TECRL: variants seen among roughly 807,000 people sequenced by gnomAD.
The protein encoded by TECRL is trans-2,3-enoyl-CoA reductase-like.
A neutral mutation model predicts 52.8 loss-of-function variants in TECRL; 63 were observed. That is an observed-to-expected ratio of 1.19 (90% CI 0.97 to 1.47). The LOEUF (loss-of-function observed/expected upper bound fraction) is 1.47, where lower values mean the gene tolerates loss of function less well. Among genes scored for constraint, TECRL ranks in the 40% most tolerant of loss-of-function variants. The pLI, the probability that TECRL is intolerant of heterozygous loss-of-function variation, is 0.00. For synonymous variants in TECRL, 164 were observed against 141.9 expected (o/e 1.16, Z -1.10); for missense variants, 482 against 429.6 (o/e 1.12, Z -1.08).
intron 9 of TECRL, among the ~76,000 whole-genome samples, chr4:64,288,823 T>C (rs1723219968): frequency 6.6e-6 from 1 of 152,148 alleles, no homozygotes; most frequent in Non-Finnish European, 1.5e-5. Flanking sequence ...GCAGCCAACA[T>C]TGGTCAACAG....
intron 6 of TECRL, among the ~76,000 whole-genome samples, chr4:64,308,744 C>G (rs1196424228): frequency 6.6e-6 from 1 of 152,138 alleles, no homozygotes; most frequent in Non-Finnish European, 1.5e-5. Flanking sequence ...GTAACAGAAG[C>G]ATTTTACAAA....
In TECRL at chr4:64,290,479, A is replaced by T. The variant is rs909440164; in HGVS notation, c.775-712T>A. On this transcript the variant is annotated intron_variant, in intron 8 of 11. Coordinates refer to ENST00000381210, the MANE Select transcript of TECRL (RefSeq NM_001010874.5). ...TTGACATATAAATACTATGTTACTG[A>T]TAACAGAACATGTTATTCAAAATTG... Among the ~76,000 whole-genome samples, 44 of 152,148 alleles carry T rather than the reference A, an allele frequency of 2.9e-4. 2 individuals are homozygous for T.
rs933355916 is a variant in TECRL, at chr4:64,279,742, T to C, written c.*330A>G. 6.9e-6 allele frequency: 6 copies of C among 875,418 alleles called. No homozygotes were observed. The African/African-American group carries it at 2.1e-4, about 30-fold the overall frequency. 54.2% of individuals were successfully genotyped at this position (875,418 alleles called of 1,614,324 possible). A position where few individuals can be genotyped will look rare whatever the true frequency, so the allele number is the denominator to read the frequency against. On this transcript the variant is annotated 3_prime_UTR_variant, in exon 12 of 12. Coordinates refer to ENST00000381210, the MANE Select transcript of TECRL (RefSeq NM_001010874.5). Reference sequence around the variant, plus strand: ...AATGTCTGTTCAGATCGCTTTTTCATTTGTTAATCAGATTTTTTTTTTTGC... The same window carrying C: ...AATGTCTGTTCAGATCGCTTTTTCACTTGTTAATCAGATTTTTTTTTTTGC...
At chr4:64,396,293 C>CTT (rs1723947315) in intron 1 of TECRL, among the ~76,000 whole-genome samples, 1 of 152,114 alleles carries the variant, frequency 6.6e-6, no homozygotes, top group Non-Finnish European at 1.5e-5. Context: ...ACCAGGAGTA[C>CTT]ATAAGTATTC....
chr4:64,406,148 G>GCA (rs1491170771), intron 1 of TECRL, among the ~76,000 whole-genome samples: 3 of 74,784 alleles, frequency 4.0e-5, no homozygotes, highest in Admixed American at 1.4e-4. Context: ...TATTTGTTAG[G>GCA]CGCGCGCGCG....
At chr4:64,344,917 C>T (rs547130048) in intron 2 of TECRL, among the ~76,000 whole-genome samples, 31 of 152,126 alleles carry the variant, frequency 2.0e-4, no homozygotes, top group Non-Finnish European at 4.6e-4. Flanking sequence ...TTAAATCAAT[C>T]CATCACAAGT....
chr4:64,319,574 TTACA>T (rs1717751518), intron 4 of TECRL, among the ~76,000 whole-genome samples: 1 of 151,866 alleles, frequency 6.6e-6, no homozygotes, highest in Admixed American at 6.6e-5. Flanking sequence ...CGTATCTACA[TTACA>T]TAAAGAATTC....
At chr4:64,355,296 T>C (rs1301945318) in intron 2 of TECRL, among the ~76,000 whole-genome samples, 1 of 152,148 alleles carries the variant, frequency 6.6e-6, no homozygotes, top group Non-Finnish European at 1.5e-5. Context: ...AATAATGTAC[T>C]GTAGATTGTC....
chr4:64,384,167 G>T (rs1235208561), intron 1 of TECRL, among the ~76,000 whole-genome samples: 1 of 151,994 alleles, frequency 6.6e-6, no homozygotes, highest in Non-Finnish European at 1.5e-5. Flanking sequence ...GTGTATGCAG[G>T]CACCCAGGTG....
rs1553917914 is a variant in TECRL, at chr4:64,364,869, T to TTC, written c.286+10302_286+10303insGA. Among the ~76,000 whole-genome samples the TTC allele has an allele frequency of 3.3e-5, 5 of 151,584 alleles. No individual in the cohort carries two copies. The East Asian group carries it at 5.8e-4, about 18-fold the overall frequency. On this transcript the variant is annotated intron_variant, in intron 2 of 11. Coordinates refer to ENST00000381210, the MANE Select transcript of TECRL (RefSeq NM_001010874.5). Reference sequence around the variant, plus strand: ...CAGTGCTACTAAAACTATTTTTTTTTCATTGAGGAAGAAGGACTCCTCCCT... The same window carrying TTC: ...CAGTGCTACTAAAACTATTTTTTTTTTCCATTGAGGAAGAAGGACTCCTCCCT...
intron 4 of TECRL, among the ~76,000 whole-genome samples, chr4:64,315,476 G>A (rs1365004214): frequency 6.6e-6 from 1 of 152,044 alleles, no homozygotes; most frequent in East Asian, 1.9e-4. Flanking sequence ...CTAAAATCAT[G>A]TTAAATTTCC....
At chr4:64,382,230 TA>T (rs1722857344) in intron 1 of TECRL, among the ~76,000 whole-genome samples, 1 of 2,654 alleles carries the variant, frequency 3.8e-4, no homozygotes, top group African/African-American at 4.4e-4. Context: ...TATATATATA[TA>T]TATAGTATTA....
At chr4:64,368,444 C>T (rs1390596633) in intron 2 of TECRL, among the ~76,000 whole-genome samples, 2 of 85,560 alleles carry the variant, frequency 2.3e-5, no homozygotes, top group Non-Finnish European at 6.4e-5. Context: ...TACAGGCGCA[C>T]GCCACCACAC....
At chr4:64,285,038 C>T (rs959903394) in intron 9 of TECRL, among the ~76,000 whole-genome samples, 7 of 152,062 alleles carry the variant, frequency 4.6e-5, no homozygotes, top group Non-Finnish European at 1.0e-4. Flanking sequence ...ATTTTAAGGA[C>T]TGTTAGACAA....
At chr4:64,305,296 T>C in intron 6 of TECRL, 58 bp from the exon 7 acceptor site, 1 of 1,478,112 alleles carries the variant, frequency 6.8e-7, no homozygotes, top group Non-Finnish European at 9.4e-7. Flanking sequence ...TATATTTCAA[T>C]TGTGACATAC....
At chr4:64,294,927 A>T (rs901373872) in intron 8 of TECRL, among the ~76,000 whole-genome samples, 1 of 152,042 alleles carries the variant, frequency 6.6e-6, no homozygotes, top group Admixed American at 6.6e-5. Context: ...TTAATAGATA[A>T]TGCATATCCA....
chr4:64,280,985 C>A (rs1430224519), intron 11 of TECRL, 56 bp downstream of exon 11: 4 of 1,321,648 alleles, frequency 3.0e-6, no homozygotes, highest in Non-Finnish European at 2.1e-6. Flanking sequence ...TCTCAGAAAC[C>A]ATTTATCTTA....
intron 2 of TECRL, among the ~76,000 whole-genome samples, chr4:64,349,931 A>G (rs1720264233): frequency 6.6e-6 from 1 of 152,198 alleles, no homozygotes; most frequent in Admixed American, 6.5e-5. Context: ...ATTCTCAATT[A>G]TATTTTTTCA....
intron 4 of TECRL, among the ~76,000 whole-genome samples, chr4:64,319,700 T>G (rs1717760996): frequency 6.6e-6 from 1 of 151,866 alleles, no homozygotes; most frequent in Non-Finnish European, 1.5e-5. Context: ...ACCACCCAAA[T>G]GTAATTCAAA....
Sources: allele counts gnomAD v4.1 joint callset (sites outside exome capture counted in the v4.1 genomes callset), GRCh38; gene constraint gnomAD v4.1.1; transcripts MANE v1.5; gene names NCBI Gene and HGNC (gene_info 2026-07-23, HGNC 2026-07-21).